The following GSDMB variants were observed in gnomAD, a reference collection of about 807,000 sequenced individuals.
GSDMB encodes the protein gasdermin B.
A neutral mutation model predicts 42.9 loss-of-function variants in GSDMB; 32 were observed. That is an observed-to-expected ratio of 0.75 (90% confidence interval 0.56 to 1.00). GSDMB has a LOEUF of 1.00. Ranked by LOEUF, GSDMB falls within the 50% of genes least tolerant of loss-of-function variation. GSDMB has a pLI of 0.00. For synonymous variants in GSDMB, 175 were observed against 193.7 expected, an observed-to-expected ratio of 0.90 and a Z score of 0.80; for missense variants, 468 against 498.5, an observed-to-expected ratio of 0.94 and a Z score of 0.58.
At chr17:39,910,070 T>TCACTTTACCCACCTCGGGGTG in intron 3 of GSDMB, 146 bp from the exon 4 acceptor site, 1 of 671,110 alleles carries the variant, frequency 1.5e-6, no homozygotes, top group South Asian at 1.9e-5. Context: ...CCATCGCAGT[T>TCACTTTACCCACCTCGGGGTG]CACTTTACCC....
intron 7 of GSDMB, 116 bp from the exon 8 acceptor site, chr17:39,906,387 C>G (rs1372265428): frequency 7.6e-6 from 8 of 1,051,640 alleles, no homozygotes; most frequent in East Asian, 2.4e-5. Flanking sequence ...TTCCCTTCTT[C>G]CAGTCTTTCC....
Position 39,906,157 on chromosome 17 carries a change from G to GC in GSDMB, c.841dup (p.Ala281GlyfsTer2), listed in dbSNP as rs1397415437. 3 of 1,613,990 alleles carry GC rather than the reference G, an allele frequency of 1.9e-6. No individual in the cohort carries two copies. In the African/African-American group the frequency reaches 4.0e-5, roughly 22 times the overall value. ...AATATCCTCCTTGCCGAGGCACTTA[G>GC]CGAGGGAGTTTAGCACATCTTTTCT... On this transcript the variant is annotated frameshift_variant, in exon 8 of 11. Transcript: ENST00000418519. LOFTEE classifies it high-confidence loss of function.
intron 2 of GSDMB, 62 bp from the exon 3 acceptor site, chr17:39,912,559 A>G (rs1181625513): frequency 7.5e-7 from 1 of 1,332,130 alleles, no homozygotes. Context: ...TCTCCAAAAC[A>G]CCCTCCCTGG....
intron 10 of GSDMB, 147 bp from the exon 11 acceptor site, chr17:39,905,111 C>CT: frequency 1.4e-6 from 1 of 706,694 alleles, no homozygotes; most frequent in South Asian, 1.7e-5. Flanking sequence ...CGGAGAGCTT[C>CT]ATACTCTCTC....
At chr17:39,907,057 A>G in intron 6 of GSDMB, 70 bp from the exon 7 acceptor site, 1 of 1,608,856 alleles carries the variant, frequency 6.2e-7, no homozygotes, top group Admixed American at 1.7e-5. Context: ...TTCTCTTCCC[A>G]GTGATGGAAG....
At position 39,905,877 on chromosome 17, in the gene GSDMB, C is replaced by G. The variant is rs2063495019; in HGVS notation, c.997G>C (p.Ala333Pro). Residue 333 changes from alanine to proline, a missense_variant, in exon 9 of 11, where the codon GCC becomes CCC. By Grantham distance (27) the Ala-to-Pro change is conservative. Coordinates refer to ENST00000418519, the MANE Select transcript of GSDMB (RefSeq NM_001165958.2). ...AGVLVEARAK[A>P]ILDFLDALLE... ...AGGGCATCCAGGAAGTCCAGAATGGCTTTTGCACGCGCTTCTACCAAGACC... is the reference window on the plus strand; with the variant it reads ...AGGGCATCCAGGAAGTCCAGAATGGGTTTTGCACGCGCTTCTACCAAGACC... 2 of 1,614,026 alleles carry G rather than the reference C, an allele frequency of 1.2e-6. No individual in the cohort carries two copies. Among genetic ancestry groups the G allele is most frequent in the Non-Finnish European group, 1.7e-6 (2 of 1,179,962 alleles).
In GSDMB at chr17:39,917,138, T is replaced by C. The variant is rs1168663295; in HGVS notation, c.179A>G (p.Asp60Gly). 1 of 1,614,138 alleles carries C rather than the reference T, an allele frequency of 6.2e-7. No individual in the cohort carries two copies. Among genetic ancestry groups the C allele is most frequent in the South Asian group, 1.1e-5 (1 of 91,084 alleles). Residue 60 changes from aspartate to glycine, a missense_variant, in exon 2 of 11, where the codon GAC becomes GGC. By Grantham distance (94) the Asp-to-Gly change is moderately conservative. Transcript: ENST00000418519. Reference sequence around the variant, plus strand: ...CTTGTCCCCATCTGTGTCCAGAATGTCCATCAGGGTGAGGCCTGTTGTGTA... The same window carrying C: ...CTTGTCCCCATCTGTGTCCAGAATGCCCATCAGGGTGAGGCCTGTTGTGTA... ...RHYTTGLTLM[D>G]ILDTDGDKWL...
chr17:39,915,531 T>C (rs1568106307), intron 2 of GSDMB, among the ~76,000 whole-genome samples: 1 of 152,196 alleles, frequency 6.6e-6, no homozygotes, highest in African/African-American at 2.4e-5. Flanking sequence ...GTAATATTAT[T>C]GTGGCAAAAC....
At chr17:39,908,297 C>A in intron 5 of GSDMB, 83 bp from the exon 6 acceptor site, 1 of 682,892 alleles carries the variant, frequency 1.5e-6, no homozygotes, top group Non-Finnish European at 2.7e-6. Context: ...TCTCCAGTCC[C>A]TCTCAATCCC....
intron 4 of GSDMB, chr17:39,909,425 C>T (rs1377666568): frequency 1.1e-5 from 4 of 373,708 alleles, no homozygotes; most frequent in Non-Finnish European, 1.9e-5. Context: ...AGGCTGGGTG[C>T]GTGGCTCACA....
At chr17:39,915,994 T>G (rs1031460) in intron 2 of GSDMB, among the ~76,000 whole-genome samples, 93,297 of 151,932 alleles carry the variant, frequency 0.61, 29,873 homozygotes, top group African/African-American at 0.81. Flanking sequence ...ATATTCCACT[T>G]TGGGCTCCAA....
rs575756242 is a variant in GSDMB, at chr17:39,910,091, G to A, written c.408-167C>T. 8.5e-5 allele frequency among the ~76,000 whole-genome samples: 13 copies of A among 152,258 alleles called. No individual in the cohort carries two copies. In the East Asian group the frequency reaches 2.3e-3, roughly 27 times the overall value. On this transcript the variant is annotated intron_variant, in intron 3 of 10. Transcript: ENST00000418519. The stretch of plus-strand genomic sequence containing the variant: ...CAGTTCACTTTACCCACCTCGGGGT[G>A]GAGGTAGGGGTGGGGTACAAAGTAG...
At chr17:39,914,983 T>A (rs2063683136) in intron 2 of GSDMB, among the ~76,000 whole-genome samples, 1 of 151,910 alleles carries the variant, frequency 6.6e-6, no homozygotes, top group Admixed American at 6.6e-5. Flanking sequence ...ATTACAGGCA[T>A]GCGACACCAC....
chr17:39,909,356 A>C lies in GSDMB; in HGVS notation c.577-314T>G, dbSNP rs1020745456. On this transcript the variant is annotated intron_variant, in intron 4 of 10. Transcript: ENST00000418519. ...ACCTCCTAGAAAGGAGACAGACAAT[A>C]AACAAGCAAAAATACACCTGTGTAA... The C allele has an allele frequency of 1.3e-5, 5 of 395,432 alleles. No individual in the cohort carries two copies. The East Asian group carries it at 2.8e-4, about 22-fold the overall frequency. 24.5% of individuals were successfully genotyped at this position (395,432 alleles called of 1,614,324 possible).
rs1211202506 is a variant in GSDMB at position 39,908,318 on chromosome 17, T to G, written c.662-104A>C. On this transcript the variant is annotated intron_variant, in intron 5 of 10. Transcript: ENST00000418519. Reference sequence around the variant, plus strand: ...GTCCCTCTCAATCCCTATACCAGCCTCCAATCAAAAAAAAAAAAAAAAAAA... The same window carrying G: ...GTCCCTCTCAATCCCTATACCAGCCGCCAATCAAAAAAAAAAAAAAAAAAA... 29 of 202,694 alleles carry G rather than the reference T, an allele frequency of 1.4e-4. 1 individual carries two copies. In the Middle Eastern group the frequency reaches 7.6e-3, roughly 53 times the overall value. 12.6% of individuals were successfully genotyped at this position (202,694 alleles called of 1,614,324 possible). A position where few individuals can be genotyped will look rare whatever the true frequency, so the allele number is the denominator to read the frequency against.
chr17:39,915,051 GGTCTCGAACTCC>G (rs1194048918), intron 2 of GSDMB, among the ~76,000 whole-genome samples: 1 of 151,672 alleles, frequency 6.6e-6, no homozygotes, highest in African/African-American at 2.4e-5. Flanking sequence ...TGGCCAGGCT[GGTCTCGAACTCC>G]TGGCCTCAAG....
rs35266519 is a variant in GSDMB at position 39,906,137 on chromosome 17, C to T, written c.862G>A (p.Asp288Asn). Residue 288 changes from aspartate to asparagine, a missense_variant, in exon 8 of 11, where the codon GAT (aspartate) becomes AAT (asparagine). Transcript: ENST00000418519. ...NSLAKCLGKE[D>N]IRQDLEQRVS... ...CTTTGCTCTAGATCCTGCCGAATATCCTCCTTGCCGAGGCACTTAGCGAGG... is the reference window on the plus strand; with the variant it reads ...CTTTGCTCTAGATCCTGCCGAATATTCTCCTTGCCGAGGCACTTAGCGAGG... 7.5e-3 allele frequency: 12,050 copies of T among 1,614,182 alleles called. 83 individuals are homozygous for T. The highest frequency in any genetic ancestry group is 8.5e-3 in the Non-Finnish European group (10,066 of 1,180,008).
chr17:39,906,430 C>T, intron 7 of GSDMB, 159 bp from the exon 8 acceptor site: 1 of 914,724 alleles, frequency 1.1e-6, no homozygotes, highest in Non-Finnish European at 1.6e-6. Flanking sequence ...TTCCAAGATA[C>T]CTACCATCAT....
rs778329550 is a variant in GSDMB at position 39,917,241 on chromosome 17, T to C, written c.76A>G (p.Arg26Gly). The C allele has an allele frequency of 8.1e-6, 13 of 1,614,020 alleles. No individual in the cohort carries two copies. In the East Asian group the frequency reaches 2.2e-4, roughly 28 times the overall value. Reference sequence around the variant, plus strand: ...AATCTATCAGCATCAACAAGGCTTCTAACGGCAATCATATCCCCTCCAGCA... The same window carrying C: ...AATCTATCAGCATCAACAAGGCTTCCAACGGCAATCATATCCCCTCCAGCA... ...MDAGGDMIAV[R>G]SLVDADRFRC... Residue 26 changes from arginine (R) to glycine (G), a missense_variant, in exon 2 of 11, where the codon AGA becomes GGA. Physicochemically the swap from Arg to Gly is moderately radical, Grantham distance 125. Coordinates refer to ENST00000418519, the MANE Select transcript of GSDMB (RefSeq NM_001165958.2).
Sources: gnomAD v4.1 joint callset for allele counts (sites outside exome capture counted in the v4.1 genomes callset) on GRCh38, gnomAD v4.1.1 for gene constraint, MANE v1.5 for transcripts, NCBI Gene and HGNC (gene_info 2026-07-23, HGNC 2026-07-21) for gene names.